ZFYVE28: variants seen among roughly 807,000 people sequenced by gnomAD.
The protein encoded by ZFYVE28 is lateral signaling target protein 2 homolog.
In ZFYVE28, 40 loss-of-function variants were observed where a neutral mutation model predicts 82.1. The observed-to-expected ratio is 0.49, with a 90% CI of 0.38 to 0.63. The LOEUF (loss-of-function observed/expected upper bound fraction) is 0.63, where lower values mean the gene tolerates loss of function less well. Ranked by LOEUF, ZFYVE28 falls within the 30% of genes least tolerant of loss-of-function variation. The probability of loss-of-function intolerance (pLI) is 0.00; values close to 1 mark genes in which losing one functional copy is unlikely to be tolerated. For synonymous variants in ZFYVE28, 612 were observed against 546.1 expected (o/e 1.12, Z -1.68); for missense variants, 1,321 against 1,242.1 (o/e 1.06, Z -0.96).
chr4:2,365,736 G>C (rs925429965), intron 1 of ZFYVE28, among the ~76,000 whole-genome samples: 3 of 152,174 alleles, frequency 2.0e-5, no homozygotes, highest in Non-Finnish European at 4.4e-5. Context: ...AGGCCCTCCA[G>C]CTCGCCCTCA....
At chr4:2,290,964 T>G (rs2108811012) in intron 8 of ZFYVE28, among the ~76,000 whole-genome samples, 1 of 152,350 alleles carries the variant, frequency 6.6e-6, no homozygotes, top group South Asian at 2.1e-4. Flanking sequence ...ATGTTTTTCT[T>G]CGTAATTACA....
At chr4:2,338,423 T>C (rs1560233049) in intron 4 of ZFYVE28, among the ~76,000 whole-genome samples, 1 of 152,082 alleles carries the variant, frequency 6.6e-6, no homozygotes, top group Admixed American at 6.5e-5. Flanking sequence ...AAACCCTGTA[T>C]CTACTGAAAA....
At chr4:2,333,624 C>A (rs149651895) in intron 6 of ZFYVE28, among the ~76,000 whole-genome samples, 1 of 152,076 alleles carries the variant, frequency 6.6e-6, no homozygotes, top group Non-Finnish European at 1.5e-5. Flanking sequence ...CTCATTGACA[C>A]GGGCATGAGT....
intron 1 of ZFYVE28, among the ~76,000 whole-genome samples, chr4:2,391,837 G>A (rs1220936637): frequency 1.3e-5 from 2 of 149,892 alleles, no homozygotes; most frequent in Non-Finnish European, 3.0e-5. Context: ...CTGGCTTCAA[G>A]CGATTCCCCT....
intron 1 of ZFYVE28, among the ~76,000 whole-genome samples, chr4:2,386,398 T>C (rs1330759184): frequency 2.6e-5 from 4 of 152,098 alleles, no homozygotes; most frequent in Non-Finnish European, 5.9e-5. Flanking sequence ...GGCAGGAGAA[T>C]GGCGTCAACA....
chr4:2,373,061 T>C (rs57298984), intron 1 of ZFYVE28, among the ~76,000 whole-genome samples: 4,820 of 152,236 alleles, frequency 0.032, 240 homozygotes, highest in African/African-American at 0.11. Flanking sequence ...GGCTCAAGAA[T>C]GCAGTGGCAG....
At chr4:2,370,191 C>T (rs1328859258) in intron 1 of ZFYVE28, among the ~76,000 whole-genome samples, 1 of 152,068 alleles carries the variant, frequency 6.6e-6, no homozygotes, top group Non-Finnish European at 1.5e-5. Context: ...GACTTGGTCA[C>T]AGCAGCCATA....
At chr4:2,298,224 G>A (rs1300734486) in intron 8 of ZFYVE28, among the ~76,000 whole-genome samples, 12 of 140,320 alleles carry the variant, frequency 8.6e-5, no homozygotes, top group African/African-American at 1.9e-4. Flanking sequence ...GAGGATGAGC[G>A]GTGACAGTGG....
intron 1 of ZFYVE28, among the ~76,000 whole-genome samples, chr4:2,399,032 G>GGGTGAGATCCAGGGCACAAGAGTGGA (rs1730833239): frequency 2.0e-5 from 1 of 50,342 alleles, no homozygotes; most frequent in Non-Finnish European, 4.8e-5. Flanking sequence ...GCACAAGGTG[G>GGGTGAGATCCAGGGCACAAGAGTGGA]GGTGAGATCC....
chr4:2,397,655 G>A (rs28393853), intron 1 of ZFYVE28, among the ~76,000 whole-genome samples: 46,087 of 151,782 alleles, frequency 0.3, 7,644 homozygotes, highest in East Asian at 0.45. Flanking sequence ...GGGACCTCAC[G>A]TCGGTGGAAT....
chr4:2,302,964 G>A lies in ZFYVE28; in HGVS notation c.2051+1325C>T, dbSNP rs542819282. Among the ~76,000 whole-genome samples, 12 of 152,314 alleles carry A rather than the reference G, an allele frequency of 7.9e-5. No homozygotes were observed. The South Asian group carries it at 1.0e-3, about 13-fold the overall frequency. On this transcript the variant is annotated intron_variant, in intron 8 of 12. Coordinates refer to ENST00000290974, the MANE Select transcript of ZFYVE28 (RefSeq NM_020972.3). ...CAAAACGCGGAGGACGGTTCCTGCCGCGCCCTCGTTAAGCCGAGCCATCGT... is the reference window on the plus strand; with the variant it reads ...CAAAACGCGGAGGACGGTTCCTGCCACGCCCTCGTTAAGCCGAGCCATCGT...
intron 8 of ZFYVE28, among the ~76,000 whole-genome samples, chr4:2,279,574 T>A (rs1435262010): frequency 6.6e-6 from 1 of 152,008 alleles, no homozygotes; most frequent in African/African-American, 2.4e-5. Context: ...GGTCAGGAGA[T>A]CGAGACCATC....
chr4:2,280,692 G>C (rs1039412127), intron 8 of ZFYVE28, among the ~76,000 whole-genome samples: 5 of 152,194 alleles, frequency 3.3e-5, no homozygotes, highest in Non-Finnish European at 7.3e-5. Context: ...GTGATCAGAA[G>C]AGATGCCATT....
At chr4:2,317,411 G>A (rs888354668) in intron 7 of ZFYVE28, among the ~76,000 whole-genome samples, 1 of 152,190 alleles carries the variant, frequency 6.6e-6, no homozygotes, top group Non-Finnish European at 1.5e-5. Flanking sequence ...ACCGCATGAG[G>A]TCCATTGTTG....
intron 5 of ZFYVE28, among the ~76,000 whole-genome samples, chr4:2,336,565 C>T (rs991975141): frequency 1.3e-5 from 2 of 152,040 alleles, no homozygotes; most frequent in Non-Finnish European, 2.9e-5. Flanking sequence ...TCCCCCTGCC[C>T]CCCCCACTCC....
chr4:2,330,432 C>A, intron 6 of ZFYVE28: 1 of 1,049,554 alleles, frequency 9.5e-7, no homozygotes, highest in South Asian at 3.1e-5. Context: ...GAGGGGACAT[C>A]ATGGAGGGGA....
chr4:2,272,785 A>T (rs1238594003), intron 10 of ZFYVE28, among the ~76,000 whole-genome samples: 1 of 152,122 alleles, frequency 6.6e-6, no homozygotes, highest in African/African-American at 2.4e-5. Flanking sequence ...CATCCTTAAG[A>T]GGGAGGGTTT....
At chr4:2,271,632 C>A (rs1735918716) in intron 11 of ZFYVE28, 43 bp downstream of exon 11, 1 of 1,590,638 alleles carries the variant, frequency 6.3e-7, no homozygotes, top group Non-Finnish European at 8.6e-7. Flanking sequence ...ACAGCCCCCA[C>A]TGGTGTCTAG....
intron 5 of ZFYVE28, 131 bp downstream of exon 5, chr4:2,337,276 T>C: frequency 1.4e-6 from 1 of 722,012 alleles, no homozygotes; most frequent in Non-Finnish European, 2.2e-6. Context: ...GGAAGACACG[T>C]CTGGTGCCTT....
Sources: allele counts gnomAD v4.1 joint callset (sites outside exome capture counted in the v4.1 genomes callset), GRCh38; gene constraint gnomAD v4.1.1; transcripts MANE v1.5; gene names NCBI Gene and HGNC (gene_info 2026-07-23, HGNC 2026-07-21).